Variants in ZBTB20 observed in about 807,000 individuals in gnomAD.
ZBTB20 encodes the protein zinc finger and BTB domain-containing protein 20.
In ZBTB20, 9 loss-of-function variants were observed where a neutral mutation model predicts 56.9. The ratio of observed to expected loss-of-function variants is 0.16; its 90% CI spans 0.10 to 0.28. The LOEUF is 0.28. Ranked by LOEUF, ZBTB20 falls within the 10% of genes least tolerant of loss-of-function variation. The pLI, the probability that ZBTB20 is intolerant of heterozygous loss-of-function variation, is 1.00. For missense variants in ZBTB20, 655 were observed against 1,003.0 expected, an observed-to-expected ratio of 0.65 and a Z score of 4.69; for synonymous variants, 417 against 420.7, an observed-to-expected ratio of 0.99 and a Z score of 0.11.
chr3:115,114,774 CT>C (rs1269021480), intron 1 of ZBTB20, among the ~76,000 whole-genome samples: 1 of 152,048 alleles, frequency 6.6e-6, no homozygotes, highest in African/African-American at 2.4e-5. Flanking sequence ...AAGCAGTTAC[CT>C]TCTCACTCAT....
intron 3 of ZBTB20, among the ~76,000 whole-genome samples, chr3:114,909,160 C>T (rs944551270): frequency 3.3e-5 from 5 of 151,890 alleles, no homozygotes; most frequent in African/African-American, 4.8e-5. Context: ...GCCAGAAGAC[C>T]TTCCAGTGGG....
At position 114,993,612 on chromosome 3, in the gene ZBTB20, A is replaced by AT. The variant is rs1175733725; in HGVS notation, c.-506-19197dup. On this transcript the variant is annotated intron_variant, in intron 2 of 11. Transcript: ENST00000675478. ...ATAAGAAATTAAGATGAAAAGATAG[A>AT]TTAAAAAGCCCTATATATTTAGAAA... Among the ~76,000 whole-genome samples, 4 of 152,020 alleles carry AT rather than the reference A, an allele frequency of 2.6e-5. No individual in the cohort carries two copies. The East Asian group carries it at 7.7e-4, about 29-fold the overall frequency.
intron 5 of ZBTB20, among the ~76,000 whole-genome samples, chr3:114,791,326 T>G (rs1328683240): frequency 6.6e-6 from 1 of 152,178 alleles, no homozygotes; most frequent in Non-Finnish European, 1.5e-5. Flanking sequence ...TATAATCAGT[T>G]TTTATTTAAA....
At chr3:114,590,682 C>T (rs911574465) in intron 6 of ZBTB20, among the ~76,000 whole-genome samples, 4 of 152,170 alleles carry the variant, frequency 2.6e-5, no homozygotes, top group Middle Eastern at 6.8e-3. Flanking sequence ...CTATTGCTTT[C>T]ACCCTCGTCA....
In ZBTB20 at chr3:114,955,941, A is replaced by C. The variant is rs541915635; in HGVS notation, c.-456+18425T>G. ...CAAATTTTGTGACATACTAGGTCTA[A>C]CAATTGTTTAAATCTAAAGTTTGGT... On this transcript the variant is annotated intron_variant, in intron 3 of 11. Transcript: ENST00000675478. Among the ~76,000 whole-genome samples, 7 of 152,308 alleles carry C rather than the reference A, an allele frequency of 4.6e-5. No homozygotes were observed. The South Asian group carries it at 8.3e-4, about 18-fold the overall frequency.
At chr3:114,537,872 T>A (rs1400623247) in intron 6 of ZBTB20, among the ~76,000 whole-genome samples, 1 of 151,938 alleles carries the variant, frequency 6.6e-6, no homozygotes, top group Non-Finnish European at 1.5e-5. Context: ...CTCAGTAAAC[T>A]AACACAGAAA....
chr3:114,609,509 C>T lies in ZBTB20; in HGVS notation c.-295+84019G>A, dbSNP rs183570383. On this transcript the variant is annotated intron_variant, in intron 6 of 11. Transcript: ENST00000675478. ...AGTAATCTTAAATTCAGTTTATTAT[C>T]ATTAGTATGGTTTCACTTTGGGGGA... is the stretch of plus-strand genomic sequence containing the variant. Among the ~76,000 whole-genome samples, 345 of 152,214 alleles carry T rather than the reference C, an allele frequency of 2.3e-3. 3 individuals carry two copies. Among genetic ancestry groups the T allele is most frequent in the Non-Finnish European group, 1.9e-3 (126 of 68,004 alleles).
intron 4 of ZBTB20, among the ~76,000 whole-genome samples, chr3:114,896,173 T>A (rs1481541102): frequency 6.6e-6 from 1 of 152,134 alleles, no homozygotes; most frequent in Admixed American, 6.6e-5. Flanking sequence ...TTTATTCAAT[T>A]TAAATGAAAT....
Position 114,552,393 on chromosome 3 carries a change from T to A in ZBTB20, c.-294-52002A>T, listed in dbSNP as rs376785080. Among the ~76,000 whole-genome samples, 18 of 151,958 alleles carry A rather than the reference T, an allele frequency of 1.2e-4. No individual in the cohort carries two copies. In the East Asian group the frequency reaches 3.1e-3, roughly 26 times the overall value. ...AAAAAGATCACAAAATCAAGGACAG[T>A]GACACCTTTTTGAGCTTTTTACTTG... On this transcript the variant is annotated intron_variant, in intron 6 of 11. Transcript: ENST00000675478.
intron 6 of ZBTB20, among the ~76,000 whole-genome samples, chr3:114,566,416 C>A (rs895496583): frequency 1.2e-4 from 18 of 152,116 alleles, no homozygotes; most frequent in African/African-American, 3.6e-4. Flanking sequence ...TTATTCCCCC[C>A]AGTTGGGCAG....
At chr3:114,946,962 G>A (rs2076906901) in intron 3 of ZBTB20, among the ~76,000 whole-genome samples, 1 of 144,170 alleles carries the variant, frequency 6.9e-6, no homozygotes, top group African/African-American at 2.8e-5. Context: ...AAATAACAAC[G>A]ACAAAACAAA....
intron 6 of ZBTB20, among the ~76,000 whole-genome samples, chr3:114,566,782 C>T (rs900166901): frequency 6.6e-6 from 1 of 152,190 alleles, no homozygotes; most frequent in Admixed American, 6.5e-5. Context: ...CAAAATGTAT[C>T]ACTTTAATGT....
At chr3:114,908,381 C>A (rs1217345964) in intron 3 of ZBTB20, among the ~76,000 whole-genome samples, 2 of 152,004 alleles carry the variant, frequency 1.3e-5, no homozygotes, top group Non-Finnish European at 2.9e-5. Flanking sequence ...TCTACCACAA[C>A]CCTCCCAGGG....
At position 115,132,477 on chromosome 3, in the gene ZBTB20, T is replaced by C. The variant is rs541933259; in HGVS notation, c.-703+14742A>G. The stretch of plus-strand genomic sequence containing the variant: ...TATCATCAGCAAGAGACACCTGACA[T>C]TCTTCTCTACAAATGTTAATGTTAT... On this transcript the variant is annotated intron_variant, in intron 1 of 11. Coordinates refer to ENST00000675478, the MANE Select transcript of ZBTB20 (RefSeq NM_001348800.3). Among the ~76,000 whole-genome samples, 8 of 152,366 alleles carry C rather than the reference T, an allele frequency of 5.3e-5. No individual in the cohort carries two copies. In the South Asian group the frequency reaches 1.7e-3, roughly 32 times the overall value.
chr3:114,402,055 G>C (rs1426626988), intron 7 of ZBTB20, among the ~76,000 whole-genome samples: 3 of 152,102 alleles, frequency 2.0e-5, no homozygotes. Context: ...AATTACAGAT[G>C]GCAATCACAT....
At chr3:114,407,702 T>C (rs1057101803) in intron 7 of ZBTB20, among the ~76,000 whole-genome samples, 42 of 152,316 alleles carry the variant, frequency 2.8e-4, no homozygotes, top group African/African-American at 6.3e-4. Flanking sequence ...TTATTTACAT[T>C]AATTTTCAGT....
intron 5 of ZBTB20, among the ~76,000 whole-genome samples, chr3:114,771,473 T>C (rs1208276605): frequency 1.3e-5 from 2 of 152,214 alleles, no homozygotes; most frequent in African/African-American, 4.8e-5. Context: ...CTGTTTTTAC[T>C]TGGGAAATTA....
chr3:115,064,443 CTTTTTTTTTT>C (rs34098178), intron 2 of ZBTB20, among the ~76,000 whole-genome samples: 1 of 78,044 alleles, frequency 1.3e-5, no homozygotes, highest in Non-Finnish European at 2.3e-5. Context: ...TCTCATAATT[CTTTTTTTTTT>C]TTTTTTTTTT....
intron 3 of ZBTB20, among the ~76,000 whole-genome samples, chr3:114,946,392 A>G (rs894087368): frequency 3.4e-5 from 5 of 145,710 alleles, no homozygotes; most frequent in Admixed American, 2.0e-4. Flanking sequence ...CTTTCAAATA[A>G]AGCAATAGAT....
Sources: gnomAD v4.1 joint callset for allele counts (sites outside exome capture counted in the v4.1 genomes callset) on GRCh38, gnomAD v4.1.1 for gene constraint, MANE v1.5 for transcripts, NCBI Gene and HGNC (gene_info 2026-07-23, HGNC 2026-07-21) for gene names.